ADAM10: variants seen among roughly 807,000 people sequenced by gnomAD.
ADAM10 encodes the protein disintegrin and metalloproteinase domain-containing protein 10.
A neutral mutation model predicts 90.1 loss-of-function variants in ADAM10; 17 were observed. The observed-to-expected ratio is 0.19, with a 90% CI of 0.13 to 0.28. The LOEUF is 0.28. ADAM10 is among the 10% of genes least tolerant of loss of function. ADAM10 has a pLI of 1.00. For synonymous variants in ADAM10, 310 were observed against 298.6 expected (o/e 1.04, Z -0.40); for missense variants, 610 against 914.3 (o/e 0.67, Z 4.29).
intron 1 of ADAM10, among the ~76,000 whole-genome samples, chr15:58,742,836 A>G (rs2140851736): frequency 6.6e-6 from 1 of 152,304 alleles, no homozygotes; most frequent in Non-Finnish European, 1.5e-5. Context: ...AATTAAATCA[A>G]TTACTCCTTT....
chr15:58,628,491 G>GTTC (rs1346306762), intron 9 of ADAM10, among the ~76,000 whole-genome samples: 3 of 152,184 alleles, frequency 2.0e-5, no homozygotes, highest in Non-Finnish European at 4.4e-5. Flanking sequence ...AATAAACAGA[G>GTTC]TTCTGTGTAC....
At chr15:58,665,428 T>C (rs1897056388) in intron 4 of ADAM10, among the ~76,000 whole-genome samples, 1 of 152,146 alleles carries the variant, frequency 6.6e-6, no homozygotes. Flanking sequence ...ATATAGATGA[T>C]TTGTGAATTC....
chr15:58,658,436 T>C (rs1185427406), intron 5 of ADAM10, among the ~76,000 whole-genome samples: 1 of 152,208 alleles, frequency 6.6e-6, no homozygotes, highest in African/African-American at 2.4e-5. Flanking sequence ...TACTATTAAA[T>C]CTTCCATCCT....
chr15:58,731,447 C>T (rs771056950), intron 1 of ADAM10, among the ~76,000 whole-genome samples: 1 of 151,694 alleles, frequency 6.6e-6, no homozygotes, highest in Non-Finnish European at 1.5e-5. Flanking sequence ...AGCAAAGCCC[C>T]GTCTCAACAA....
intron 2 of ADAM10, chr15:58,692,733 G>C (rs1897860683): frequency 1.7e-6 from 1 of 579,036 alleles, no homozygotes; most frequent in Admixed American, 1.9e-5. Flanking sequence ...AAGATACCCA[G>C]GAATACTGTT....
At chr15:58,663,420 T>C (rs1341102815) in intron 5 of ADAM10, among the ~76,000 whole-genome samples, 2 of 152,214 alleles carry the variant, frequency 1.3e-5, no homozygotes, top group Non-Finnish European at 2.9e-5. Context: ...TTCCGCTAGT[T>C]AATTTGTCCA....
At chr15:58,745,105 C>T (rs1899748014) in intron 1 of ADAM10, among the ~76,000 whole-genome samples, 1 of 152,178 alleles carries the variant, frequency 6.6e-6, no homozygotes, top group South Asian at 2.1e-4. Flanking sequence ...ATCGCTTGAA[C>T]CTGGCAGACG....
chr15:58,722,930 C>G (rs945838577), intron 1 of ADAM10, among the ~76,000 whole-genome samples: 3 of 151,916 alleles, frequency 2.0e-5, no homozygotes, highest in Admixed American at 6.6e-5. Flanking sequence ...CAGGGTCTCA[C>G]TGTGTTGACC....
rs112612838 is a variant in ADAM10, at chr15:58,635,214, G to T, written c.1013-1855C>A. Among the ~76,000 whole-genome samples the T allele has an allele frequency of 3.6e-3, 506 of 141,018 alleles. 5 individuals carry two copies. The highest frequency in any genetic ancestry group is 0.013 in the African/African-American group (486 of 36,990). The allele number at this position is 141,018 out of a possible 152,430, so 92.5% of individuals were successfully genotyped here. A position where few individuals can be genotyped will look rare whatever the true frequency, so the allele number is the denominator to read the frequency against. ...GGCGTGAACCCAGGAAGTGGAGCTT[G>T]CAGTGAGCAGAGATCATGCCACTGC... is the stretch of plus-strand genomic sequence containing the variant. On this transcript the variant is annotated intron_variant, in intron 8 of 15. Transcript: ENST00000260408.
chr15:58,604,637 T>C lies in ADAM10; in HGVS notation c.2026-4913A>G, dbSNP rs187347570. On this transcript the variant is annotated intron_variant, in intron 14 of 15. Transcript: ENST00000260408. Reference sequence around the variant, plus strand: ...CATAACTAACAGCTCATTTATTACTTCCAGATTGCCTAACACATACAAATA... The same window carrying C: ...CATAACTAACAGCTCATTTATTACTCCCAGATTGCCTAACACATACAAATA... Among the ~76,000 whole-genome samples, 18 of 152,332 alleles carry C rather than the reference T, an allele frequency of 1.2e-4. No homozygotes were observed. The East Asian group carries it at 3.5e-3, about 29-fold the overall frequency.
chr15:58,683,715 C>T (rs1897506231), intron 2 of ADAM10, among the ~76,000 whole-genome samples: 1 of 151,816 alleles, frequency 6.6e-6, no homozygotes, highest in Non-Finnish European at 1.5e-5. Context: ...CAAAAACTAG[C>T]CAGGCATGGT....
chr15:58,610,720 T>TA, intron 13 of ADAM10: 1 of 666,636 alleles, frequency 1.5e-6, no homozygotes, highest in Non-Finnish European at 2.6e-6. Flanking sequence ...AACCAGCAAG[T>TA]CTTGACTCAG....
chr15:58,620,245 C>T (rs534280031), intron 11 of ADAM10, among the ~76,000 whole-genome samples: 2 of 152,034 alleles, frequency 1.3e-5, no homozygotes, highest in Non-Finnish European at 2.9e-5. Flanking sequence ...GTGGGCAGAT[C>T]ACTTGAGATC....
Position 58,671,487 on chromosome 15 carries a change from C to T in ADAM10, c.485-6290G>A, listed in dbSNP as rs1897189553. ...ATTATGCTATCAGAGATGTGAAAGG[C>T]TGAGGTTTAGCTCCGAGTATCTCTA... On this transcript the variant is annotated intron_variant, in intron 4 of 15. Coordinates refer to ENST00000260408, the MANE Select transcript of ADAM10 (RefSeq NM_001110.4). 2.0e-5 allele frequency among the ~76,000 whole-genome samples: 3 copies of T among 152,302 alleles called. No homozygotes were observed. In the South Asian group the frequency reaches 6.2e-4, roughly 32 times the overall value.
intron 1 of ADAM10, among the ~76,000 whole-genome samples, chr15:58,736,775 A>G (rs191783396): frequency 7.1e-4 from 108 of 152,246 alleles, no homozygotes; most frequent in Non-Finnish European, 1.5e-5. Context: ...AAAAGCCTCT[A>G]TGTAAAACTG....
chr15:58,612,129 AT>A, intron 11 of ADAM10, 138 bp from the exon 12 acceptor site: 1 of 890,994 alleles, frequency 1.1e-6, no homozygotes, highest in Admixed American at 2.1e-5. Flanking sequence ...AATGATAAGT[AT>A]GTTACTGGTA....
intron 14 of ADAM10, among the ~76,000 whole-genome samples, chr15:58,607,792 G>A (rs1026886769): frequency 5.3e-5 from 8 of 152,078 alleles, no homozygotes; most frequent in Non-Finnish European, 1.2e-4. Flanking sequence ...CAATACATTT[G>A]AACAATAAAA....
chr15:58,728,535 T>A (rs1289611888), intron 1 of ADAM10, among the ~76,000 whole-genome samples: 1 of 151,932 alleles, frequency 6.6e-6, no homozygotes, highest in Admixed American at 6.6e-5. Flanking sequence ...AGGTGAGGCA[T>A]TCGAGACCAG....
rs1317281449 is a variant in ADAM10 at position 58,611,795 on chromosome 15, G to C, written c.1695+13C>G. On this transcript the variant is annotated intron_variant, in intron 12 of 15. Transcript: ENST00000260408. ...CTAAAATTAAATTTTAAAACATATA[G>C]TTAAATGCTTACCCCATTAATGCAC... 7.4e-6 allele frequency: 12 copies of C among 1,613,072 alleles called. No individual in the cohort carries two copies. The highest frequency in any genetic ancestry group is 9.3e-6 in the Non-Finnish European group (11 of 1,179,316).
Sources: gnomAD v4.1 joint callset for allele counts (sites outside exome capture counted in the v4.1 genomes callset) on GRCh38, gnomAD v4.1.1 for gene constraint, MANE v1.5 for transcripts, NCBI Gene and HGNC (gene_info 2026-07-23, HGNC 2026-07-21) for gene names.